The following KCNC2 variants were observed in gnomAD, a reference collection of about 807,000 sequenced individuals.
KCNC2 encodes the protein voltage-gated potassium channel KCNC2.
A neutral mutation model predicts 44.5 loss-of-function variants in KCNC2; 21 were observed. The observed-to-expected ratio is 0.47, with a 90% CI of 0.33 to 0.68. The LOEUF (loss-of-function observed/expected upper bound fraction) is 0.68. Among genes scored for constraint, KCNC2 ranks in the 30% least tolerant of loss-of-function variants. The probability of loss-of-function intolerance (pLI) is 0.01; values close to 1 mark genes in which losing one functional copy is unlikely to be tolerated. For missense variants in KCNC2, 589 were observed against 826.2 expected, an observed-to-expected ratio of 0.71 and a Z score of 3.52; for synonymous variants, 391 against 339.1, an observed-to-expected ratio of 1.15 and a Z score of -1.68.
chr12:75,079,223 G>C (rs1225572798), intron 2 of KCNC2, among the ~76,000 whole-genome samples: 1 of 152,054 alleles, frequency 6.6e-6, no homozygotes, highest in Non-Finnish European at 1.5e-5. Flanking sequence ...CCATTGAGGA[G>C]AATTGTTAAG....
chr12:75,074,969 G>A (rs943034268), intron 2 of KCNC2, among the ~76,000 whole-genome samples: 10 of 152,094 alleles, frequency 6.6e-5, no homozygotes, highest in South Asian at 2.1e-4. Flanking sequence ...AAGTTTTCCC[G>A]GAATAAAGAA....
Position 75,086,625 on chromosome 12 carries a change from T to C in KCNC2, c.688-35308A>G, listed in dbSNP as rs1003727489. On this transcript the variant is annotated intron_variant, in intron 2 of 4. Coordinates refer to ENST00000549446, the MANE Select transcript of KCNC2 (RefSeq NM_139137.4). ...TATTTTTAGTTCACCTTCAAGCCAG[T>C]AGAATGTAGTCCCATAAAAAGCAAG... 3.7e-5 allele frequency among the ~76,000 whole-genome samples: 5 copies of C among 135,526 alleles called. No homozygotes were observed. In the South Asian group the frequency reaches 6.9e-4, roughly 19 times the overall value. The allele number at this position is 135,526 out of a possible 152,430, so 88.9% of individuals were successfully genotyped here.
intron 2 of KCNC2, among the ~76,000 whole-genome samples, chr12:75,182,542 A>G (rs1378593688): frequency 1.3e-5 from 2 of 148,402 alleles, no homozygotes; most frequent in African/African-American, 4.9e-5. Context: ...AAAAAACAAA[A>G]AAAACAAAAA....
intron 2 of KCNC2, among the ~76,000 whole-genome samples, chr12:75,154,749 C>T (rs1029263543): frequency 1.3e-5 from 2 of 151,928 alleles, no homozygotes; most frequent in African/African-American, 4.8e-5. Context: ...TAATTCTGAG[C>T]TATTTTCATT....
In KCNC2 at chr12:75,042,217, T is replaced by C; in HGVS notation, c.*888A>G. On this transcript the variant is annotated 3_prime_UTR_variant, in exon 5 of 5. Coordinates refer to ENST00000549446, the MANE Select transcript of KCNC2 (RefSeq NM_139137.4). ...GACAAACCCTGGGTATTTTTTTTTT[T>C]TAAAGAGTCTAGAACCAAGCAGCAA... is the stretch of plus-strand genomic sequence containing the variant. The C allele has an allele frequency of 7.2e-7, 1 of 1,392,636 alleles. No individual in the cohort carries two copies. Among genetic ancestry groups the C allele is most frequent in the Non-Finnish European group, 9.4e-7 (1 of 1,064,166 alleles). The allele number at this position is 1,392,636 out of a possible 1,614,324, so 86.3% of individuals were successfully genotyped here. A position where few individuals can be genotyped will look rare whatever the true frequency, so the allele number is the denominator to read the frequency against.
chr12:75,075,637 T>C (rs1883887332), intron 2 of KCNC2, among the ~76,000 whole-genome samples: 1 of 151,966 alleles, frequency 6.6e-6, no homozygotes, highest in South Asian at 2.1e-4. Flanking sequence ...GGTCATATTA[T>C]TTTTTTCTAG....
intron 2 of KCNC2, among the ~76,000 whole-genome samples, chr12:75,105,150 G>T (rs1886680997): frequency 6.6e-6 from 1 of 152,106 alleles, no homozygotes; most frequent in Non-Finnish European, 1.5e-5. Flanking sequence ...GATGTACAGG[G>T]AGTGAAGATT....
Position 75,051,142 on chromosome 12 carries a change from A to G in KCNC2, c.863T>C (p.Val288Ala). Residue 288 changes from valine (V) to alanine (A), a missense_variant, in exon 3 of 5, where the codon GTG (valine) becomes GCG (alanine). Coordinates refer to ENST00000549446, the MANE Select transcript of KCNC2 (RefSeq NM_139137.4). The part of the protein sequence containing the change: ...TDPALTYVEG[V>A]CVVWFTFEFL... ...TTCAAAAGTAAACCACACCACACAC[A>G]CTCCTTCTACATACGTCAAGGCAGG... 1 of 1,613,524 alleles carries G rather than the reference A, an allele frequency of 6.2e-7. No individual in the cohort carries two copies. Among genetic ancestry groups the G allele is most frequent in the Non-Finnish European group, 8.5e-7 (1 of 1,179,752 alleles).
intron 4 of KCNC2, chr12:75,043,610 GA>G: frequency 6.5e-6 from 8 of 1,223,028 alleles, no homozygotes; most frequent in Non-Finnish European, 7.3e-6. Context: ...ATGTATTCTT[GA>G]AAAAAAGAGA....
intron 2 of KCNC2, among the ~76,000 whole-genome samples, chr12:75,064,092 A>C (rs934684331): frequency 7.9e-5 from 12 of 152,110 alleles, no homozygotes; most frequent in Non-Finnish European, 1.6e-4. Flanking sequence ...ATTGGGTTTG[A>C]AAATTGATTT....
At chr12:75,069,972 C>T (rs1883237114) in intron 2 of KCNC2, among the ~76,000 whole-genome samples, 1 of 152,156 alleles carries the variant, frequency 6.6e-6, no homozygotes, top group Admixed American at 6.5e-5. Flanking sequence ...ATCGAATTGG[C>T]TCCTCTGCAA....
chr12:75,070,739 T>C (rs988056993), intron 2 of KCNC2, among the ~76,000 whole-genome samples: 6 of 151,916 alleles, frequency 3.9e-5, no homozygotes, highest in Non-Finnish European at 5.9e-5. Context: ...AATTTATATC[T>C]TTTTAGTTTA....
At chr12:75,111,742 C>G (rs1409570966) in intron 2 of KCNC2, among the ~76,000 whole-genome samples, 1 of 151,850 alleles carries the variant, frequency 6.6e-6, no homozygotes, top group Non-Finnish European at 1.5e-5. Flanking sequence ...TCCTCAAAAT[C>G]GATAGACTAG....
intron 2 of KCNC2, among the ~76,000 whole-genome samples, chr12:75,113,465 A>G (rs1238668306): frequency 6.6e-6 from 1 of 152,180 alleles, no homozygotes; most frequent in African/African-American, 2.4e-5. Context: ...GAAAATGAAA[A>G]TAGAGAATTC....
At chr12:75,120,252 G>A (rs1592914272) in intron 2 of KCNC2, among the ~76,000 whole-genome samples, 1 of 152,150 alleles carries the variant, frequency 6.6e-6, no homozygotes. Context: ...ACAGTGTCTT[G>A]TCAATATTCA....
In KCNC2 at chr12:75,041,164, C is replaced by T; in HGVS notation, c.*1941G>A. 1.3e-6 allele frequency: 2 copies of T among 1,596,572 alleles called. No homozygotes were observed. Among genetic ancestry groups the T allele is most frequent in the Non-Finnish European group, 1.7e-6 (2 of 1,178,628 alleles). On this transcript the variant is annotated 3_prime_UTR_variant, in exon 5 of 5. Coordinates refer to ENST00000549446, the MANE Select transcript of KCNC2 (RefSeq NM_139137.4). The stretch of plus-strand genomic sequence containing the variant: ...CTTGGTATGGCTAAATTCCACTGTC[C>T]CTTTCTCAGCAGTCAATAATCCATG...
Position 75,048,234 on chromosome 12 carries a change from C to T in KCNC2, c.1699G>A (p.Asp567Asn). The T allele has an allele frequency of 6.2e-7, 1 of 1,613,102 alleles. No individual in the cohort carries two copies. Among genetic ancestry groups the T allele is most frequent in the Non-Finnish European group, 8.5e-7 (1 of 1,179,394 alleles). ...RLPIRRSSTR[D>N]KNRRGETCFL... ...CATGTTTCCCCTCTTCTGTTTTTGT[C>T]TCTGGTACTAGAGCGTCTGATGGGG... Residue 567 changes from aspartate (D) to asparagine (N), a missense_variant, in exon 4 of 5, where the codon GAC becomes AAC. Coordinates refer to ENST00000549446, the MANE Select transcript of KCNC2 (RefSeq NM_139137.4).
At chr12:75,116,147 C>T (rs1216004489) in intron 2 of KCNC2, among the ~76,000 whole-genome samples, 2 of 152,044 alleles carry the variant, frequency 1.3e-5, no homozygotes, top group Non-Finnish European at 2.9e-5. Flanking sequence ...GGGATTATAC[C>T]TTTACAAAGG....
intron 2 of KCNC2, among the ~76,000 whole-genome samples, chr12:75,084,290 T>TAGATAGATAGATGATA (rs200893949): frequency 2.2e-3 from 266 of 123,720 alleles, no homozygotes; most frequent in African/African-American, 9.1e-3. Context: ...GATAGATAGA[T>TAGATAGATAGATGATA]GATAGATAGA....
Sources: allele counts gnomAD v4.1 joint callset (sites outside exome capture counted in the v4.1 genomes callset), GRCh38; gene constraint gnomAD v4.1.1; transcripts MANE v1.5; gene names NCBI Gene and HGNC (gene_info 2026-07-23, HGNC 2026-07-21).